DCBLD1: variants seen among roughly 807,000 people sequenced by gnomAD.
The protein encoded by DCBLD1 is discoidin, CUB and LCCL domain containing 1, also known as discoidin, CUB and LCCL domain-containing protein 1.
Under a neutral mutation model 71.5 loss-of-function variants are expected in DCBLD1, and 57 were observed. The ratio of observed to expected loss-of-function variants is 0.80; its 90% CI spans 0.64 to 0.99. The LOEUF is 0.99. Ranked by LOEUF, DCBLD1 falls within the 50% of genes least tolerant of loss-of-function variation. DCBLD1 has a pLI of 0.00. For synonymous variants in DCBLD1, 380 were observed against 363.8 expected (o/e 1.04, Z -0.51); for missense variants, 891 against 923.5 (o/e 0.96, Z 0.46).
chr6:117,562,245 C>CT (rs1346992527), intron 14 of DCBLD1: 1 of 207,278 alleles, frequency 4.8e-6, no homozygotes, highest in African/African-American at 2.3e-5. Context: ...ATCAAAATGT[C>CT]TTTATCTCAT....
At chr6:117,544,056 A>G (rs1779184915) in intron 12 of DCBLD1, among the ~76,000 whole-genome samples, 1 of 152,264 alleles carries the variant, frequency 6.6e-6, no homozygotes, top group Admixed American at 6.5e-5. Context: ...AGAATGAAGA[A>G]TAGTTTCTGC....
In DCBLD1 at chr6:117,549,444, G is replaced by A. The variant is rs978762731; in HGVS notation, c.*1005G>A. On this transcript the variant is annotated 3_prime_UTR_variant, in exon 15 of 15. Coordinates refer to ENST00000338728, the MANE Select transcript of DCBLD1 (RefSeq NM_001366458.2). ...GAAATGATTTTCCCCTCAAGGAGGC[G>A]TCTGTAATTCCAGAACAGTCCAGAC... is the stretch of plus-strand genomic sequence containing the variant. The A allele has an allele frequency of 9.1e-6, 9 of 985,258 alleles. No individual in the cohort carries two copies. Among genetic ancestry groups the A allele is most frequent in the East Asian group, 1.1e-4 (1 of 8,822 alleles). The allele number at this position is 985,258 out of a possible 1,614,324, so 61.0% of individuals were successfully genotyped here.
chr6:117,519,074 C>T (rs914678752), intron 2 of DCBLD1, among the ~76,000 whole-genome samples: 3 of 152,072 alleles, frequency 2.0e-5, no homozygotes, highest in Non-Finnish European at 2.9e-5. Flanking sequence ...ATGTTACTTT[C>T]GAAATGACAA....
chr6:117,518,313 A>C (rs1355915776), intron 2 of DCBLD1, among the ~76,000 whole-genome samples: 2 of 152,214 alleles, frequency 1.3e-5, no homozygotes, highest in East Asian at 3.9e-4. Context: ...CTCAGCGTGG[A>C]CATTATTGTC....
rs1779077729 is a variant in DCBLD1, at chr6:117,540,985, G to A, written c.1317G>A (p.Glu439=). Residue 439 remains glutamate (E), a synonymous_variant, in exon 11 of 15, where the codon GAG becomes GAA. Coordinates refer to ENST00000338728, the MANE Select transcript of DCBLD1 (RefSeq NM_001366458.2). ...STSVSTKKED[E]TITRPIPSEE... ...GTGTTTCAACTAAGAAAGAAGATGA[G>A]ACAATCACAAGGCCCATCCCCTCGG... 1.9e-6 allele frequency: 3 copies of A among 1,614,036 alleles called. No homozygotes were observed. Among genetic ancestry groups the A allele is most frequent in the Non-Finnish European group, 2.5e-6 (3 of 1,180,044 alleles).
At chr6:117,487,074 G>T (rs954482457) in intron 1 of DCBLD1, among the ~76,000 whole-genome samples, 2 of 152,086 alleles carry the variant, frequency 1.3e-5, no homozygotes, top group East Asian at 1.9e-4. Flanking sequence ...CGGAAAAATT[G>T]TCCTTCACGA....
intron 14 of DCBLD1, chr6:117,561,893 A>T (rs913426625): frequency 9.7e-6 from 2 of 206,992 alleles, no homozygotes; most frequent in Non-Finnish European, 2.0e-5. Flanking sequence ...TATATAGTGT[A>T]TCTGGGAAAG....
intron 1 of DCBLD1, among the ~76,000 whole-genome samples, chr6:117,499,069 T>C (rs1049671222): frequency 8.5e-5 from 11 of 129,670 alleles, no homozygotes; most frequent in African/African-American, 2.7e-4. Context: ...CTGTATTTCA[T>C]AGAGAGCTTT....
At chr6:117,539,656 A>G in intron 9 of DCBLD1, 1 of 220,040 alleles carries the variant, frequency 4.5e-6, no homozygotes, top group Non-Finnish European at 8.8e-6. Flanking sequence ...TGGAAGGCTG[A>G]GGCAGGAAGA....
chr6:117,504,733 T>G (rs1283188981), intron 2 of DCBLD1, among the ~76,000 whole-genome samples: 1 of 152,226 alleles, frequency 6.6e-6, no homozygotes, highest in Non-Finnish European at 1.5e-5. Flanking sequence ...GAAATCACAG[T>G]AACAATGACC....
intron 1 of DCBLD1, among the ~76,000 whole-genome samples, chr6:117,500,096 A>G (rs975338861): frequency 1.3e-5 from 2 of 152,194 alleles, no homozygotes; most frequent in African/African-American, 4.8e-5. Flanking sequence ...CATTGTAGGC[A>G]TTTTCTCTCC....
At position 117,548,059 on chromosome 6, in the gene DCBLD1, G is replaced by C; in HGVS notation, c.1768G>C (p.Ala590Pro). ...GCAGCGGGCCGGCCGCCACGAGTAC[G>C]CGCTGCCCCTGGCGCCCCCGGAGCC... is the stretch of plus-strand genomic sequence containing the variant. ...CPQRAGRHEYALPLAPPEPEY... is the reference protein window; with the variant it reads ...CPQRAGRHEYPLPLAPPEPEY... The change falls in exon 15 of 15, where the codon GCG becomes CCG. Residue 590 changes from alanine to proline, a missense_variant. Physicochemically the swap from Ala to Pro is conservative, Grantham distance 27. Transcript: ENST00000338728. 6.5e-7 allele frequency: 1 copy of C among 1,548,894 alleles called. No individual in the cohort carries two copies. Among genetic ancestry groups the C allele is most frequent in the Admixed American group, 2.0e-5 (1 of 50,898 alleles).
chr6:117,495,831 G>A (rs1189983642), intron 1 of DCBLD1, among the ~76,000 whole-genome samples: 1 of 151,932 alleles, frequency 6.6e-6, no homozygotes, highest in African/African-American at 2.4e-5. Context: ...TTTTTCCTTT[G>A]GCAGCAAATT....
intron 1 of DCBLD1, among the ~76,000 whole-genome samples, chr6:117,501,986 C>G (rs182184777): frequency 3.3e-3 from 506 of 152,204 alleles, no homozygotes; most frequent in South Asian, 7.1e-3. Context: ...CACCATAGTT[C>G]CCCCAAACCT....
intron 13 of DCBLD1, 38 bp from the exon 14 acceptor site, chr6:117,545,440 C>T (rs939455343): frequency 6.2e-7 from 1 of 1,607,876 alleles, no homozygotes; most frequent in Non-Finnish European, 8.5e-7. Context: ...CATTACATTT[C>T]TGACATATTC....
chr6:117,548,287 G>C lies in DCBLD1; in HGVS notation c.1996G>C (p.Asp666His), dbSNP rs1181971894. The C allele has an allele frequency of 6.4e-7, 1 of 1,550,630 alleles. No individual in the cohort carries two copies. The highest frequency in any genetic ancestry group is 1.2e-5 in the South Asian group (1 of 84,056). Residue 666 changes from aspartate (D) to histidine (H), a missense_variant, in exon 15 of 15, where the codon GAC becomes CAC. Asp to His is a moderately conservative substitution (Grantham distance 81). Coordinates refer to ENST00000338728, the MANE Select transcript of DCBLD1 (RefSeq NM_001366458.2). ...CGCACAGCCTGCGGACAGGGGCTAC[G>C]ACCGGCCCAAAGCTGTCAGCGCCCT... ...HSAQPADRGY[D>H]RPKAVSALAT...
chr6:117,563,244 T>A (rs754349715), intron 14 of DCBLD1: 9 of 1,610,282 alleles, frequency 5.6e-6, no homozygotes, highest in Non-Finnish European at 7.6e-6. Context: ...TGTCTGGAGA[T>A]ATGGTCAATT....
At position 117,525,365 on chromosome 6, in the gene DCBLD1, A is replaced by G. The variant is rs1168001106; in HGVS notation, c.516A>G (p.Lys172=). ...TTATTTATTTTTCTTTTTCCAGCAA[A>G]TTCTGCCCAGCTGGTTGTAGAGACG... ...ASHYLKTEYS[K]FCPAGCRDVA... Residue 172 remains lysine, a synonymous_variant, in exon 5 of 15, where the codon AAA becomes AAG. Transcript: ENST00000338728. 3 of 1,459,962 alleles carry G rather than the reference A, an allele frequency of 2.1e-6. No individual in the cohort carries two copies. In the African/African-American group the frequency reaches 4.4e-5, roughly 21 times the overall value. 90.4% of individuals were successfully genotyped at this position (1,459,962 alleles called of 1,614,324 possible).
intron 5 of DCBLD1, among the ~76,000 whole-genome samples, chr6:117,531,898 A>G (rs11153668): frequency 0.31 from 46,940 of 152,096 alleles, 8,364 homozygotes; most frequent in African/African-American, 0.5. Flanking sequence ...CATTTTATTT[A>G]CTGATGAGTT....
Sources: gnomAD v4.1 joint callset for allele counts (sites outside exome capture counted in the v4.1 genomes callset) on GRCh38, gnomAD v4.1.1 for gene constraint, MANE v1.5 for transcripts, NCBI Gene and HGNC (gene_info 2026-07-23, HGNC 2026-07-21) for gene names.